ADCK1: variants seen among roughly 807,000 people sequenced by gnomAD.
ADCK1 encodes the protein aarF domain containing kinase 1.
In ADCK1, 41 loss-of-function variants were observed where a neutral mutation model predicts 52.3. The ratio of observed to expected loss-of-function variants is 0.78; its 90% CI spans 0.61 to 1.02. The LOEUF (loss-of-function observed/expected upper bound fraction) is 1.02, where lower values mean the gene tolerates loss of function less well. Ranked by LOEUF, ADCK1 falls within the 50% of genes least tolerant of loss-of-function variation. ADCK1 has a pLI of 0.00. For missense variants in ADCK1, 658 were observed against 679.5 expected, an observed-to-expected ratio of 0.97 and a Z score of 0.35; for synonymous variants, 250 against 274.6, an observed-to-expected ratio of 0.91 and a Z score of 0.89.
intron 7 of ADCK1, among the ~76,000 whole-genome samples, chr14:77,920,793 G>A (rs2084031647): frequency 6.6e-6 from 1 of 152,014 alleles, no homozygotes; most frequent in South Asian, 2.1e-4. Context: ...AGAACCATAT[G>A]CATGCTCCAC....
At chr14:77,891,187 G>C (rs964904667) in intron 5 of ADCK1, among the ~76,000 whole-genome samples, 2 of 152,278 alleles carry the variant, frequency 1.3e-5, no homozygotes, top group Non-Finnish European at 2.9e-5. Context: ...TTGGAGACTC[G>C]AGGTGGGTGA....
chr14:77,900,894 G>A (rs1450797993), intron 6 of ADCK1, among the ~76,000 whole-genome samples: 2 of 152,124 alleles, frequency 1.3e-5, no homozygotes, highest in Non-Finnish European at 2.9e-5. Flanking sequence ...ACTTAATGTG[G>A]GAAACAATAT....
At chr14:77,881,952 G>A (rs1488104977) in intron 4 of ADCK1, among the ~76,000 whole-genome samples, 2 of 152,216 alleles carry the variant, frequency 1.3e-5, no homozygotes, top group Non-Finnish European at 2.9e-5. Context: ...AGCAAAAGCG[G>A]GTATTGGCTG....
chr14:77,830,785 A>G (rs1413104932), intron 3 of ADCK1, among the ~76,000 whole-genome samples: 2 of 152,114 alleles, frequency 1.3e-5, no homozygotes. Flanking sequence ...CTTGATTGCT[A>G]CTTTGAGTGT....
chr14:77,845,730 G>A (rs1345881503), intron 3 of ADCK1, among the ~76,000 whole-genome samples: 1 of 152,006 alleles, frequency 6.6e-6, no homozygotes, highest in East Asian at 1.9e-4. Context: ...TGGCCAAAAT[G>A]TTCCTTTTTA....
At chr14:77,881,838 G>A (rs1268390304) in intron 4 of ADCK1, among the ~76,000 whole-genome samples, 2 of 152,214 alleles carry the variant, frequency 1.3e-5, no homozygotes, top group Non-Finnish European at 2.9e-5. Flanking sequence ...GAGTGTGCTT[G>A]TGCCACTTGC....
At chr14:77,926,624 G>T (rs761498234) in intron 9 of ADCK1, among the ~76,000 whole-genome samples, 1 of 152,238 alleles carries the variant, frequency 6.6e-6, no homozygotes, top group Non-Finnish European at 1.5e-5. Context: ...GGGACTACAG[G>T]TGCACATCAC....
intron 7 of ADCK1, among the ~76,000 whole-genome samples, chr14:77,922,699 A>G (rs1191359430): frequency 6.6e-6 from 1 of 152,186 alleles, no homozygotes; most frequent in Admixed American, 6.5e-5. Flanking sequence ...GCTGGTGTGA[A>G]TCTTGGCTCG....
chr14:77,896,155 A>G lies in ADCK1; in HGVS notation c.583-2945A>G, dbSNP rs571516896. Among the ~76,000 whole-genome samples the G allele has an allele frequency of 2.6e-5, 4 of 152,368 alleles. No individual in the cohort carries two copies. The East Asian group carries it at 7.7e-4, about 29-fold the overall frequency. ...ATAATAATGAATAGTATTAATAATG[A>G]CTAATTATGTAATTGATTAGTAACT... On this transcript the variant is annotated intron_variant, in intron 5 of 10. Transcript: ENST00000238561.
At chr14:77,857,376 A>C (rs2082441248) in intron 3 of ADCK1, among the ~76,000 whole-genome samples, 1 of 152,168 alleles carries the variant, frequency 6.6e-6, no homozygotes, top group Admixed American at 6.5e-5. Context: ...ATGTGTGGTG[A>C]TTAAGTCAGG....
chr14:77,864,635 A>ATATG (rs2082623628), intron 4 of ADCK1, among the ~76,000 whole-genome samples: 1 of 150,376 alleles, frequency 6.6e-6, no homozygotes, highest in Non-Finnish European at 1.5e-5. Flanking sequence ...TAGGATATGA[A>ATATG]TGTGTGTGTG....
intron 9 of ADCK1, among the ~76,000 whole-genome samples, chr14:77,929,177 G>A (rs1566743887): frequency 6.6e-6 from 1 of 152,172 alleles, no homozygotes; most frequent in Non-Finnish European, 1.5e-5. Context: ...CTCTCATTGA[G>A]GATTAGGGGA....
intron 1 of ADCK1, among the ~76,000 whole-genome samples, chr14:77,815,040 C>T (rs1566629554): frequency 6.6e-6 from 1 of 150,740 alleles, no homozygotes; most frequent in Non-Finnish European, 1.5e-5. Flanking sequence ...AGGCACGTGA[C>T]ACCACGCCCA....
intron 4 of ADCK1, among the ~76,000 whole-genome samples, chr14:77,877,073 G>A (rs910711995): frequency 2.0e-5 from 3 of 152,102 alleles, no homozygotes; most frequent in Non-Finnish European, 4.4e-5. Context: ...AAATTAGCCG[G>A]GTGTGGTGAT....
chr14:77,928,040 CAG>C (rs1307299399), intron 9 of ADCK1, among the ~76,000 whole-genome samples: 2 of 152,066 alleles, frequency 1.3e-5, no homozygotes, highest in South Asian at 2.1e-4. Flanking sequence ...TGAGAGATGA[CAG>C]GGGCTCAGGC....
chr14:77,814,833 A>G lies in ADCK1; in HGVS notation c.-11-4135A>G, dbSNP rs541234293. ...CCTAGAGTTGGTAGTTCGGTGGCCCATGGGGTGGACTCTAGGAATCTACAT... is the reference window on the plus strand; with the variant it reads ...CCTAGAGTTGGTAGTTCGGTGGCCCGTGGGGTGGACTCTAGGAATCTACAT... On this transcript the variant is annotated intron_variant, in intron 1 of 10. Transcript: ENST00000238561. Among the ~76,000 whole-genome samples, 93 of 151,706 alleles carry G rather than the reference A, an allele frequency of 6.1e-4. 1 individual carries two copies. In the South Asian group the frequency reaches 0.017, roughly 28 times the overall value.
At chr14:77,800,271 G>A (rs1037932491) in intron 1 of ADCK1, 101 bp downstream of exon 1, 4 of 152,332 alleles carry the variant, frequency 2.6e-5, no homozygotes, top group African/African-American at 9.6e-5. Flanking sequence ...GCATGGACAC[G>A]CCGGGAGTCG....
At chr14:77,853,606 G>A (rs189656672) in intron 3 of ADCK1, among the ~76,000 whole-genome samples, 137 of 152,252 alleles carry the variant, frequency 9.0e-4, no homozygotes. Flanking sequence ...AGGCCCTTCT[G>A]GGTGTTGCCA....
chr14:77,854,626 G>A (rs1330061504), intron 3 of ADCK1, among the ~76,000 whole-genome samples: 2 of 143,248 alleles, frequency 1.4e-5, no homozygotes, highest in South Asian at 4.4e-4. Context: ...GTGTGATCTT[G>A]GTTCACTACA....
Sources: gnomAD v4.1 joint callset for allele counts (sites outside exome capture counted in the v4.1 genomes callset) on GRCh38, gnomAD v4.1.1 for gene constraint, MANE v1.5 for transcripts, NCBI Gene and HGNC (gene_info 2026-07-23, HGNC 2026-07-21) for gene names.